The following UNC13D variants were observed in gnomAD, a reference collection of about 807,000 sequenced individuals.
UNC13D encodes protein unc-13 homolog D.
A neutral mutation model predicts 151.7 loss-of-function variants in UNC13D; 115 were observed. The ratio of observed to expected loss-of-function variants is 0.76; its 90% CI spans 0.65 to 0.88. The LOEUF (loss-of-function observed/expected upper bound fraction) is 0.88, where lower values mean the gene tolerates loss of function less well. Among genes scored for constraint, UNC13D ranks in the 40% least tolerant of loss-of-function variants. The probability of loss-of-function intolerance (pLI) is 0.00; values close to 1 mark genes in which losing one functional copy is unlikely to be tolerated. For synonymous variants in UNC13D, 588 were observed against 612.2 expected (o/e 0.96, Z 0.58); for missense variants, 1,369 against 1,438.7 (o/e 0.95, Z 0.78).
chr17:75,840,923 C>T lies in UNC13D; in HGVS notation c.614+34G>A. ...GCCTCTCTCACCCCAGATCCCTTCC[C>T]TTCCCATCCCTAGGGGCAGGCCAGG... On this transcript the variant is annotated intron_variant, in intron 7 of 31. Coordinates refer to ENST00000207549, the MANE Select transcript of UNC13D (RefSeq NM_199242.3). The surrounding 1 kb of genome is among the most constrained non-coding windows in gnomAD (Gnocchi z 4.6). The T allele has an allele frequency of 6.2e-7, 1 of 1,614,096 alleles. No homozygotes were observed.
chr17:75,842,824 A>C (rs373649203), intron 5 of UNC13D, 33 bp downstream of exon 5: 11 of 1,612,604 alleles, frequency 6.8e-6, no homozygotes, highest in Non-Finnish European at 9.3e-6. Flanking sequence ...GGAGCCAGGA[A>C]GAAGCCCCTT....
chr17:75,843,221 G>A lies in UNC13D; in HGVS notation c.199C>T (p.Leu67=), dbSNP rs769433011. 1 of 1,611,500 alleles carries A rather than the reference G, an allele frequency of 6.2e-7. No individual in the cohort carries two copies. Among genetic ancestry groups the A allele is most frequent in the South Asian group, 1.1e-5 (1 of 91,080 alleles). The stretch of plus-strand genomic sequence containing the variant: ...ACATGGTTGGGCTCAGGATGACCCA[G>A]GCGGTGCAAGACAGTGTAGAGTGCG... ...EDALYTVLHR[L]GHPEPNHVTE... is the part of the protein sequence containing the mutation. Residue 67 remains leucine (L), a synonymous_variant, in exon 3 of 32, where the codon CTG becomes TTG. Coordinates refer to ENST00000207549, the MANE Select transcript of UNC13D (RefSeq NM_199242.3).
At position 75,827,855 on chromosome 17, in the gene UNC13D, A is replaced by T; in HGVS notation, c.*110T>A. 2.6e-6 allele frequency: 4 copies of T among 1,533,046 alleles called. 1 individual carries two copies. Among genetic ancestry groups the T allele is most frequent in the Non-Finnish European group, 8.8e-7 (1 of 1,141,602 alleles). The allele number at this position is 1,533,046 out of a possible 1,614,324, so 95.0% of individuals were successfully genotyped here. A position where few individuals can be genotyped will look rare whatever the true frequency, so the allele number is the denominator to read the frequency against. ...GCACTCCGCATGCTGGGGCTCCCCAAGTGTTAGGCCAGGCTGGAGGGCCGC... is the reference window on the plus strand; with the variant it reads ...GCACTCCGCATGCTGGGGCTCCCCATGTGTTAGGCCAGGCTGGAGGGCCGC... On this transcript the variant is annotated 3_prime_UTR_variant, in exon 32 of 32. Transcript: ENST00000207549.
rs2064897801 is a variant in UNC13D, at chr17:75,835,047, T to C, written c.1865A>G (p.Glu622Gly). Residue 622 changes from glutamate (E) to glycine (G), a missense_variant, in exon 21 of 32, where the codon GAA becomes GGA. Around this residue, in one of 3 missense-constraint regions of UNC13D, gnomAD observed 807 missense variants for 795.5 expected, o/e 1.01. Coordinates refer to ENST00000207549, the MANE Select transcript of UNC13D (RefSeq NM_199242.3). ...VQMDELVPLGELTKHSTSAVD... is the reference protein window; with the variant it reads ...VQMDELVPLGGLTKHSTSAVD... ...CGCTGATGTGCTGTGCTTGGTCAGT[T>C]CACCCAGGGGCACCAGCTGGGGGAA... 6.2e-7 allele frequency: 1 copy of C among 1,613,766 alleles called. No individual in the cohort carries two copies. Among genetic ancestry groups the C allele is most frequent in the African/African-American group, 1.3e-5 (1 of 74,888 alleles).
chr17:75,835,756 G>A lies in UNC13D; in HGVS notation c.1618C>T (p.His540Tyr). The A allele has an allele frequency of 1.9e-6, 3 of 1,613,830 alleles. No homozygotes were observed. Among genetic ancestry groups the A allele is most frequent in the Non-Finnish European group, 2.5e-6 (3 of 1,180,004 alleles). Residue 540 changes from histidine to tyrosine, a missense_variant, in exon 19 of 32, where the codon CAC becomes TAC. Coordinates refer to ENST00000207549, the MANE Select transcript of UNC13D (RefSeq NM_199242.3). ...QWLVAKRVQD[H>Y]TTVVGDVVSP... ...ACTACATCACCCACAACCGTCGTGTGGTCCTGCACCCGCTTGGCCACCTGC... is the reference window on the plus strand; with the variant it reads ...ACTACATCACCCACAACCGTCGTGTAGTCCTGCACCCGCTTGGCCACCTGC...
chr17:75,843,876 G>A (rs2143903343), intron 1 of UNC13D: 2 of 1,372,922 alleles, frequency 1.5e-6, no homozygotes, highest in East Asian at 2.9e-5. Flanking sequence ...GTCGGCCTGG[G>A]GGTCTGCTGC....
chr17:75,837,281 G>T (rs2064915907), intron 12 of UNC13D, among the ~76,000 whole-genome samples: 1 of 150,802 alleles, frequency 6.6e-6, no homozygotes, highest in South Asian at 2.1e-4. Flanking sequence ...GGCCAGGCTG[G>T]TCTCGAACAC....
In UNC13D at chr17:75,835,874, A is replaced by T; in HGVS notation, c.1577T>A (p.Phe526Tyr). ...ACTCACCAGCCACTGCAGCTCCCGG[A>T]AAGCCATGGAGAAGAGGTGGATCTT... ...TLKIHLFSMA[F>Y]RELQWLVAKR... The change falls in exon 18 of 32, where the codon TTC becomes TAC. Residue 526 changes from phenylalanine (F) to tyrosine (Y), a missense_variant. Physicochemically the swap from Phe to Tyr is conservative, Grantham distance 22. Around this residue, in one of 3 missense-constraint regions of UNC13D, gnomAD observed 807 missense variants for 795.5 expected, o/e 1.01. Transcript: ENST00000207549. 1 of 1,614,164 alleles carries T rather than the reference A, an allele frequency of 6.2e-7. No individual in the cohort carries two copies. Among genetic ancestry groups the T allele is most frequent in the Non-Finnish European group, 8.5e-7 (1 of 1,180,030 alleles).
chr17:75,838,875 C>T (rs985841690), intron 12 of UNC13D, among the ~76,000 whole-genome samples: 8 of 151,898 alleles, frequency 5.3e-5, no homozygotes, highest in South Asian at 2.1e-4. Context: ...CCAAGGCGGG[C>T]GGATCATGAG....
At position 75,834,964 on chromosome 17, in the gene UNC13D, G is replaced by C. The variant is rs2064897138; in HGVS notation, c.1948C>G (p.Pro650Ala). 2 of 1,614,002 alleles carry C rather than the reference G, an allele frequency of 1.2e-6. No individual in the cohort carries two copies. Among genetic ancestry groups the C allele is most frequent in the Non-Finnish European group, 1.7e-6 (2 of 1,180,038 alleles). The change falls in exon 21 of 32, where the codon CCA becomes GCA. Residue 650 changes from proline (P) to alanine (A), a missense_variant. By Grantham distance (27) the Pro-to-Ala change is conservative. Transcript: ENST00000207549. ...ISHTARQLDW[P>A]DPEEAFMITV... ...ATCATGAAGGCCTCCTCTGGGTCTGGCCAGTCCAGCTGCCGGGCAGTGTGG... is the reference window on the plus strand; with the variant it reads ...ATCATGAAGGCCTCCTCTGGGTCTGCCCAGTCCAGCTGCCGGGCAGTGTGG...
chr17:75,837,782 A>C (rs2064919145), intron 12 of UNC13D, among the ~76,000 whole-genome samples: 1 of 136,310 alleles, frequency 7.3e-6, no homozygotes. Flanking sequence ...GAAAAGAAAA[A>C]TAGGATCTAT....
chr17:75,839,978 A>T (rs1434607632), intron 11 of UNC13D, 36 bp from the exon 12 acceptor site: 1 of 1,613,482 alleles, frequency 6.2e-7, no homozygotes, highest in East Asian at 2.2e-5. Flanking sequence ...CAGGACCTGA[A>T]GGGCAGCCCC....
intron 20 of UNC13D, 26 bp from the exon 21 acceptor site, chr17:75,835,089 A>G (rs1360419450): frequency 5.0e-6 from 8 of 1,613,140 alleles, no homozygotes; most frequent in Non-Finnish European, 5.1e-6. Flanking sequence ...AGGACTCAGG[A>G]TACTGCCAAA....
rs372079404 is a variant in UNC13D, at chr17:75,827,296, C to T, written c.*669G>A. The T allele has an allele frequency of 3.4e-4, 198 of 583,424 alleles. No individual in the cohort carries two copies. The African/African-American group carries it at 3.5e-3, about 10-fold the overall frequency. 36.1% of individuals were successfully genotyped at this position (583,424 alleles called of 1,614,324 possible). On this transcript the variant is annotated 3_prime_UTR_variant, in exon 32 of 32. Transcript: ENST00000207549. Reference sequence around the variant, plus strand: ...AAGTTTCTAGGTGGCAGGTGCTGTCCGGGGAGGGGGCGTGCGCAGCAGACA... The same window carrying T: ...AAGTTTCTAGGTGGCAGGTGCTGTCTGGGGAGGGGGCGTGCGCAGCAGACA...
rs1160927374 is a variant in UNC13D at position 75,840,970 on chromosome 17, G to A, written c.601C>T (p.His201Tyr). The A allele has an allele frequency of 6.2e-7, 1 of 1,613,962 alleles. No individual in the cohort carries two copies. The highest frequency in any genetic ancestry group is 1.1e-5 in the South Asian group (1 of 91,068). ...EFEDITNASFHLDMWDLDTVE... is the reference protein window; with the variant it reads ...EFEDITNASFYLDMWDLDTVE... ...CAGGTCACTCACCACATGTCCAGAT[G>A]AAAGCTCGCATTGGTGATGTCCTCA... Residue 201 changes from histidine (H) to tyrosine (Y), a missense_variant, in exon 7 of 32, where the codon CAT becomes TAT. Transcript: ENST00000207549. This position sits in a 1 kb window ranked among gnomAD's most constrained non-coding sequence, Gnocchi z 4.6.
intron 30 of UNC13D, 130 bp from the exon 31 acceptor site, chr17:75,829,113 C>CACA: frequency 1.7e-6 from 2 of 1,193,806 alleles, no homozygotes; most frequent in Non-Finnish European, 2.3e-6. Flanking sequence ...AGCCTGGCAC[C>CACA]TCTCAGCCAT....
Position 75,835,777 on chromosome 17 carries a change from C to T in UNC13D, c.1597G>A (p.Val533Met), listed in dbSNP as rs201663917. 4.8e-5 allele frequency: 78 copies of T among 1,613,868 alleles called. No homozygotes were observed. Among genetic ancestry groups the T allele is most frequent in the Non-Finnish European group, 5.9e-6 (7 of 1,180,048 alleles). The change falls in exon 19 of 32, where the codon GTG (valine) becomes ATG (methionine). Residue 533 changes from valine to methionine, a missense_variant and splice_region_variant. Coordinates refer to ENST00000207549, the MANE Select transcript of UNC13D (RefSeq NM_199242.3). ...GTGTGGTCCTGCACCCGCTTGGCCACCTGCAAAGGAAAGGTGTGGAGGGCG... is the reference window on the plus strand; with the variant it reads ...GTGTGGTCCTGCACCCGCTTGGCCATCTGCAAAGGAAAGGTGTGGAGGGCG... ...SMAFRELQWL[V>M]AKRVQDHTTV...
At chr17:75,842,296 G>T in intron 6 of UNC13D, 137 bp downstream of exon 6, 5 of 1,218,040 alleles carry the variant, frequency 4.1e-6, no homozygotes, top group Non-Finnish European at 5.6e-6. Flanking sequence ...CCTGGAGATG[G>T]GCTTCTCCTC....
At position 75,834,115 on chromosome 17, in the gene UNC13D, T is replaced by A. The variant is rs1327842966; in HGVS notation, c.2327A>T (p.Gln776Leu). ...QLEVGIAKHIQKLVGVRESVL... is the reference protein window; with the variant it reads ...QLEVGIAKHILKLVGVRESVL... ...AGACTCCCTGACGCCCACCAGTTTC[T>A]GGATGTGCTTGGCGATGCCCACCTC... is the stretch of plus-strand genomic sequence containing the variant. Residue 776 changes from glutamine to leucine, a missense_variant, in exon 24 of 32, where the codon CAG becomes CTG. Around this residue, in one of 3 missense-constraint regions of UNC13D, gnomAD observed 807 missense variants for 795.5 expected, o/e 1.01. Transcript: ENST00000207549. 6.2e-7 allele frequency: 1 copy of A among 1,613,708 alleles called. No individual in the cohort carries two copies. The highest frequency in any genetic ancestry group is 8.5e-7 in the Non-Finnish European group (1 of 1,180,024).
Sources: allele counts gnomAD v4.1 joint callset (sites outside exome capture counted in the v4.1 genomes callset), GRCh38; gene constraint gnomAD v4.1.1; regional missense constraint gnomAD v4.1.1; non-coding constraint Gnocchi (gnomAD v3.1); transcripts MANE v1.5; gene names NCBI Gene and HGNC (gene_info 2026-07-23, HGNC 2026-07-21).